SSBP2: variants seen among roughly 807,000 people sequenced by gnomAD.
SSBP2 encodes single stranded DNA binding protein 2.
SSBP2 carries 17 observed loss-of-function variants against 61.8 expected under a neutral mutation model. That is an observed-to-expected ratio of 0.28 (90% CI 0.19 to 0.41). The LOEUF (loss-of-function observed/expected upper bound fraction) is 0.41, where lower values mean the gene tolerates loss of function less well. Among genes scored for constraint, SSBP2 ranks in the 10% least tolerant of loss-of-function variants. SSBP2 has a pLI of 1.00. For synonymous variants in SSBP2, 139 were observed against 141.3 expected (o/e 0.98, Z 0.12); for missense variants, 310 against 458.7 (o/e 0.68, Z 2.96).
intron 5 of SSBP2, among the ~76,000 whole-genome samples, chr5:81,507,689 A>C (rs570137215): frequency 6.6e-5 from 10 of 152,216 alleles, no homozygotes; most frequent in Non-Finnish European, 1.3e-4. Flanking sequence ...TAAAGAACAT[A>C]AAGTAGGAAA....
chr5:81,728,214 G>A, intron 1 of SSBP2, among the ~76,000 whole-genome samples: 1 of 152,112 alleles, frequency 6.6e-6, no homozygotes, highest in Non-Finnish European at 1.5e-5. Context: ...AGCATTTCAG[G>A]AACAGATGAC....
rs1258073846 is a variant in SSBP2 at position 81,442,590 on chromosome 5, G to T, written c.849+63C>A. ...AAGTTTAAACAATATACAGGACATGGAATGCACTCAGAGTTTGAAAGTCTT... is the reference window on the plus strand; with the variant it reads ...AAGTTTAAACAATATACAGGACATGTAATGCACTCAGAGTTTGAAAGTCTT... On this transcript the variant is annotated intron_variant, in intron 13 of 16. Transcript: ENST00000320672. The T allele has an allele frequency of 9.4e-6, 8 of 849,254 alleles. No individual in the cohort carries two copies. The Admixed American group carries it at 1.6e-4, about 17-fold the overall frequency. The allele number at this position is 849,254 out of a possible 1,614,324, so 52.6% of individuals were successfully genotyped here.
intron 4 of SSBP2, among the ~76,000 whole-genome samples, chr5:81,593,458 A>G (rs1377175828): frequency 6.6e-6 from 1 of 152,224 alleles, no homozygotes; most frequent in African/African-American, 2.4e-5. Context: ...CTACCAAGGC[A>G]GGCCAACATT....
At chr5:81,580,335 G>C (rs143048668) in intron 4 of SSBP2, among the ~76,000 whole-genome samples, 6 of 152,112 alleles carry the variant, frequency 3.9e-5, no homozygotes, top group Admixed American at 6.5e-5. Context: ...CCCTGTACTC[G>C]TGGGTAGAAG....
At chr5:81,539,751 T>C (rs1771101265) in intron 4 of SSBP2, among the ~76,000 whole-genome samples, 1 of 152,148 alleles carries the variant, frequency 6.6e-6, no homozygotes, top group East Asian at 1.9e-4. Context: ...TTAGCAATAA[T>C]TTTTTTATTA....
chr5:81,463,623 C>T (rs547900448), intron 9 of SSBP2, among the ~76,000 whole-genome samples: 5 of 152,166 alleles, frequency 3.3e-5, no homozygotes, highest in South Asian at 2.1e-4. Context: ...TTGCTTGAAC[C>T]GGAGAGGCAG....
intron 7 of SSBP2, 77 bp downstream of exon 7, chr5:81,474,419 T>C (rs1765452070): frequency 7.7e-6 from 10 of 1,294,150 alleles, no homozygotes; most frequent in East Asian, 2.4e-5. Flanking sequence ...CTTATACAAA[T>C]ACAATTTTCC....
At chr5:81,707,147 A>T (rs1296069706) in intron 1 of SSBP2, among the ~76,000 whole-genome samples, 5 of 152,154 alleles carry the variant, frequency 3.3e-5, no homozygotes, top group African/African-American at 9.7e-5. Context: ...GTGAGGATCA[A>T]ATGAGGAGTT....
chr5:81,586,583 T>C (rs1487174838), intron 4 of SSBP2, among the ~76,000 whole-genome samples: 1 of 149,834 alleles, frequency 6.7e-6, no homozygotes, highest in Non-Finnish European at 1.5e-5. Context: ...ATAGAACTTT[T>C]GGATGTTTTC....
At chr5:81,542,772 G>A (rs1305916641) in intron 4 of SSBP2, among the ~76,000 whole-genome samples, 1 of 149,178 alleles carries the variant, frequency 6.7e-6, no homozygotes, top group Non-Finnish European at 1.5e-5. Flanking sequence ...TCTTATGATA[G>A]TGACTTCTCA....
intron 1 of SSBP2, among the ~76,000 whole-genome samples, chr5:81,668,932 GTCT>G (rs1751377246): frequency 6.6e-6 from 1 of 151,990 alleles, no homozygotes; most frequent in Admixed American, 6.6e-5. Context: ...TAAAAACTGT[GTCT>G]CTACCATCTC....
At chr5:81,493,255 T>TAGAC (rs748834246) in intron 5 of SSBP2, among the ~76,000 whole-genome samples, 1 of 64,318 alleles carries the variant, frequency 1.6e-5, no homozygotes, top group Non-Finnish European at 3.7e-5. Flanking sequence ...ACAAAACAGA[T>TAGAC]AGATAGATAG....
chr5:81,602,568 T>G (rs940393805), intron 4 of SSBP2, among the ~76,000 whole-genome samples: 3 of 152,224 alleles, frequency 2.0e-5, no homozygotes, highest in Non-Finnish European at 2.9e-5. Flanking sequence ...AAAGGTTTTA[T>G]AGTTACACCT....
At chr5:81,423,257 C>G (rs560797876) in intron 16 of SSBP2, among the ~76,000 whole-genome samples, 9 of 152,266 alleles carry the variant, frequency 5.9e-5, no homozygotes, top group Admixed American at 5.2e-4. Context: ...GAGGTTGCTA[C>G]TGAGTTCATG....
At chr5:81,687,648 T>G (rs749252679) in intron 1 of SSBP2, among the ~76,000 whole-genome samples, 3 of 152,148 alleles carry the variant, frequency 2.0e-5, no homozygotes, top group African/African-American at 7.2e-5. Context: ...GTTTTGCAAC[T>G]TGAAAACCAG....
At chr5:81,594,421 T>C (rs1446347961) in intron 4 of SSBP2, among the ~76,000 whole-genome samples, 4 of 152,034 alleles carry the variant, frequency 2.6e-5, no homozygotes, top group African/African-American at 7.3e-5. Flanking sequence ...CTGTCAACAT[T>C]AGACAGATCA....
chr5:81,667,801 T>A (rs1044611651), intron 1 of SSBP2, among the ~76,000 whole-genome samples: 2 of 152,108 alleles, frequency 1.3e-5, no homozygotes, highest in African/African-American at 4.8e-5. Context: ...ATAACAAAAA[T>A]TTTGTCACCA....
chr5:81,581,091 A>G (rs1581080278), intron 4 of SSBP2, among the ~76,000 whole-genome samples: 1 of 152,332 alleles, frequency 6.6e-6, no homozygotes, highest in East Asian at 1.9e-4. Flanking sequence ...CTCTGGTTCT[A>G]TAAGCATACT....
chr5:81,555,821 C>G (rs1772548928), intron 4 of SSBP2, among the ~76,000 whole-genome samples: 1 of 152,018 alleles, frequency 6.6e-6, no homozygotes, highest in African/African-American at 2.4e-5. Flanking sequence ...TCTTCTAGTT[C>G]TCTGAGTCTC....
Sources: allele counts gnomAD v4.1 joint callset (sites outside exome capture counted in the v4.1 genomes callset), GRCh38; gene constraint gnomAD v4.1.1; transcripts MANE v1.5; gene names NCBI Gene and HGNC (gene_info 2026-07-23, HGNC 2026-07-21).